CALCR: variants seen among roughly 807,000 people sequenced by gnomAD.
The protein encoded by CALCR is calcitonin receptor.
CALCR carries 47 observed loss-of-function variants against 59.5 expected under a neutral mutation model. The observed-to-expected ratio is 0.79, with a 90% CI of 0.63 to 1.01. The LOEUF is 1.01. Among genes scored for constraint, CALCR ranks in the 50% least tolerant of loss-of-function variants. The pLI is 0.00. For missense variants in CALCR, 566 were observed against 597.1 expected, an observed-to-expected ratio of 0.95 and a Z score of 0.54; for synonymous variants, 213 against 211.3, an observed-to-expected ratio of 1.01 and a Z score of -0.07.
intron 2 of CALCR, among the ~76,000 whole-genome samples, chr7:93,501,803 G>C (rs1801326757): frequency 6.6e-6 from 1 of 152,072 alleles, no homozygotes. Flanking sequence ...AGCAGGATCT[G>C]TCGCTTTCCC....
chr7:93,459,109 A>G (rs932829163), intron 8 of CALCR, among the ~76,000 whole-genome samples: 6 of 152,212 alleles, frequency 3.9e-5, no homozygotes, highest in African/African-American at 9.6e-5. Context: ...TAAATTATTT[A>G]AACAGTGGAT....
intron 2 of CALCR, among the ~76,000 whole-genome samples, chr7:93,493,641 CTT>C (rs1266560987): frequency 6.6e-6 from 1 of 151,320 alleles, no homozygotes; most frequent in Non-Finnish European, 1.5e-5. Flanking sequence ...TCCCTACAAA[CTT>C]TAAGTTAGTG....
chr7:93,563,154 A>G (rs898047799), intron 2 of CALCR, among the ~76,000 whole-genome samples: 11 of 152,206 alleles, frequency 7.2e-5, no homozygotes, highest in Non-Finnish European at 1.2e-4. Context: ...GTCATCATAT[A>G]GGGAAATGAG....
At position 93,425,524 on chromosome 7, in the gene CALCR, G is replaced by T. The variant is rs1327788822; in HGVS notation, c.*832C>A. 1 of 150,528 alleles carries T rather than the reference G, an allele frequency of 6.6e-6. No homozygotes were observed. Among genetic ancestry groups the T allele is most frequent in the Non-Finnish European group, 1.5e-5 (1 of 67,420 alleles). 9.3% of individuals were successfully genotyped at this position (150,528 alleles called of 1,614,324 possible). A position where few individuals can be genotyped will look rare whatever the true frequency, so the allele number is the denominator to read the frequency against. ...AGGGGAGTGGCAAACTCTCTTTAAA[G>T]GGAGTATTGTCTTCCACTAAGAATT... On this transcript the variant is annotated 3_prime_UTR_variant, in exon 14 of 14. Transcript: ENST00000426151.
intron 2 of CALCR, among the ~76,000 whole-genome samples, chr7:93,505,440 A>G (rs1036632431): frequency 6.6e-6 from 1 of 152,218 alleles, no homozygotes; most frequent in Admixed American, 6.5e-5. Flanking sequence ...TCTAATATGA[A>G]ACCCTCATTT....
At chr7:93,516,623 A>G (rs1350140534) in intron 2 of CALCR, among the ~76,000 whole-genome samples, 4 of 151,896 alleles carry the variant, frequency 2.6e-5, no homozygotes, top group Non-Finnish European at 5.9e-5. Flanking sequence ...TGGCCAGTAG[A>G]ACCCTTCAAA....
chr7:93,554,422 G>A (rs543501660), intron 2 of CALCR, among the ~76,000 whole-genome samples: 1 of 152,042 alleles, frequency 6.6e-6, no homozygotes, highest in East Asian at 1.9e-4. Flanking sequence ...TTAAAGAAAG[G>A]AAAGAGATCA....
At chr7:93,520,955 C>G (rs962860826) in intron 2 of CALCR, among the ~76,000 whole-genome samples, 1 of 152,094 alleles carries the variant, frequency 6.6e-6, no homozygotes, top group Non-Finnish European at 1.5e-5. Flanking sequence ...GTCACCATGA[C>G]TTCCTGCAAA....
chr7:93,493,435 A>G (rs1801128171), intron 2 of CALCR, among the ~76,000 whole-genome samples: 1 of 151,354 alleles, frequency 6.6e-6, no homozygotes, highest in Non-Finnish European at 1.5e-5. Context: ...TCTAGTCTCT[A>G]GGACTCTCTG....
chr7:93,495,726 A>G (rs886893527), intron 2 of CALCR, among the ~76,000 whole-genome samples: 1 of 151,362 alleles, frequency 6.6e-6, no homozygotes, highest in Non-Finnish European at 1.5e-5. Context: ...AAAAACCTGG[A>G]CAGGAGCCCC....
chr7:93,547,833 A>G (rs1476990118), intron 2 of CALCR, among the ~76,000 whole-genome samples: 1 of 152,132 alleles, frequency 6.6e-6, no homozygotes, highest in African/African-American at 2.4e-5. Context: ...CAGCTGTGCC[A>G]TCTCATCAAA....
At chr7:93,536,957 C>T (rs533850847) in intron 2 of CALCR, among the ~76,000 whole-genome samples, 1 of 151,764 alleles carries the variant, frequency 6.6e-6, no homozygotes, top group African/African-American at 2.4e-5. Context: ...TAAAGTAGCA[C>T]AATGTTTCCA....
In CALCR at chr7:93,443,659, G is replaced by T; in HGVS notation, c.747C>A (p.Val249=). The T allele has an allele frequency of 6.2e-7, 1 of 1,613,278 alleles. No homozygotes were observed. Residue 249 remains valine (V), a synonymous_variant, in exon 9 of 14, where the codon GTC becomes GTA. Transcript: ENST00000426151. The stretch of plus-strand genomic sequence containing the variant: ...GTTGCTTCTCAGTAAACACAGCCAC[G>T]ACAATGAGTGTATGAAGATAGATCC... ...CEGIYLHTLI[V]VAVFTEKQRL...
intron 13 of CALCR, 64 bp from the exon 14 acceptor site, chr7:93,426,653 G>A (rs979669904): frequency 1.4e-5 from 12 of 838,850 alleles, no homozygotes; most frequent in South Asian, 4.9e-5. Context: ...CAAAGTGTAC[G>A]AACATCGTTC....
At chr7:93,472,574 A>C in intron 5 of CALCR, 87 bp from the exon 6 acceptor site, 1 of 768,504 alleles carries the variant, frequency 1.3e-6, no homozygotes, top group South Asian at 1.6e-5. Flanking sequence ...AAGCCATTCC[A>C]ACATATTAAT....
intron 8 of CALCR, among the ~76,000 whole-genome samples, chr7:93,448,748 T>C (rs2214213): frequency 0.65 from 98,299 of 151,876 alleles, 32,887 homozygotes; most frequent in African/African-American, 0.83. Context: ...TGAAAATTTA[T>C]AAGGAACAGA....
chr7:93,507,059 C>A (rs1055641416), intron 2 of CALCR, among the ~76,000 whole-genome samples: 2 of 152,136 alleles, frequency 1.3e-5, no homozygotes, highest in South Asian at 4.1e-4. Context: ...CATTAAGCAT[C>A]TTTTTCTTTA....
chr7:93,541,923 A>G (rs1286709922), intron 2 of CALCR, among the ~76,000 whole-genome samples: 2 of 152,194 alleles, frequency 1.3e-5, no homozygotes, highest in African/African-American at 4.8e-5. Context: ...TTATGTTAAA[A>G]TTCATATTAG....
intron 2 of CALCR, among the ~76,000 whole-genome samples, chr7:93,535,656 T>G (rs949349128): frequency 6.6e-6 from 1 of 151,736 alleles, no homozygotes; most frequent in Non-Finnish European, 1.5e-5. Context: ...ACTTGAGAGA[T>G]AAAGAAAATT....
Sources: gnomAD v4.1 joint callset for allele counts (sites outside exome capture counted in the v4.1 genomes callset) on GRCh38, gnomAD v4.1.1 for gene constraint, MANE v1.5 for transcripts, NCBI Gene and HGNC (gene_info 2026-07-23, HGNC 2026-07-21) for gene names.